The following LYRM4 variants were observed in gnomAD, a reference collection of about 807,000 sequenced individuals.
LYRM4 encodes LYR motif containing 4.
In LYRM4, 9 loss-of-function variants were observed where a neutral mutation model predicts 11.7. The observed-to-expected ratio is 0.77, with a 90% CI of 0.46 to 1.34. The LOEUF is 1.34. Among genes scored for constraint, LYRM4 ranks in the 40% most tolerant of loss-of-function variants. The pLI is 0.00. For missense variants in LYRM4, 133 were observed against 112.5 expected, an observed-to-expected ratio of 1.18 and a Z score of -0.82; for synonymous variants, 42 against 40.4, an observed-to-expected ratio of 1.04 and a Z score of -0.15.
intron 1 of LYRM4, among the ~76,000 whole-genome samples, chr6:5,256,064 CAA>C (rs1764649182): frequency 6.6e-6 from 1 of 151,654 alleles, no homozygotes. Context: ...TTAGCTGGCC[CAA>C]AAGGTTGGTC....
intron 2 of LYRM4, among the ~76,000 whole-genome samples, chr6:5,192,556 C>T (rs1486857395): frequency 6.6e-6 from 1 of 152,094 alleles, no homozygotes; most frequent in Non-Finnish European, 1.5e-5. Flanking sequence ...CCTTTGAGTC[C>T]CCCACTGTGC....
the LYRM4 span, among the ~76,000 whole-genome samples, chr6:5,037,597 C>G: frequency 1.4e-5 from 1 of 73,092 alleles, no homozygotes; most frequent in Admixed American, 1.8e-4. Context: ...CGGGCAGAGG[C>G]GCCCCTCACC....
At position 5,260,659 on chromosome 6, in the gene LYRM4, G is replaced by A. The variant is rs749300361; in HGVS notation, c.75C>T (p.Ala25=). 75 of 1,539,664 alleles carry A rather than the reference G, an allele frequency of 4.9e-5. No homozygotes were observed. In the South Asian group the frequency reaches 8.2e-4, roughly 17 times the overall value. ...GCCCGCTGGGTCACCTGTAATTGTAGGCGCTGAAACGCTTGCTCTCTCTCA... is the reference window on the plus strand; with the variant it reads ...GCCCGCTGGGTCACCTGTAATTGTAAGCGCTGAAACGCTTGCTCTCTCTCA... The part of the protein sequence containing the change: ...AMLRESKRFS[A]YNYRTYAVRR... Residue 25 remains alanine, a synonymous_variant, in exon 1 of 3, where the codon GCC becomes GCT. Coordinates refer to ENST00000330636, the MANE Select transcript of LYRM4 (RefSeq NM_020408.6).
chr6:5,118,453 T>A (rs1375316822), intron 2 of LYRM4, among the ~76,000 whole-genome samples: 1 of 152,116 alleles, frequency 6.6e-6, no homozygotes, highest in Non-Finnish European at 1.5e-5. Context: ...GCATATGGTC[T>A]CAGATGGCAC....
the LYRM4 span, among the ~76,000 whole-genome samples, chr6:5,093,603 C>CA: frequency 6.6e-6 from 1 of 152,216 alleles, no homozygotes; most frequent in Non-Finnish European, 1.5e-5. Flanking sequence ...TGCCACTTTA[C>CA]AAAAAAACTT....
At chr6:5,071,462 G>T in the LYRM4 span, among the ~76,000 whole-genome samples, 1 of 152,108 alleles carries the variant, frequency 6.6e-6, no homozygotes, top group Non-Finnish European at 1.5e-5. Context: ...CTCCGGTGGG[G>T]TGAGCAAGGT....
chr6:5,256,490 G>GAAAAAAAAAAAAAAAAAAAAAAAAAA (rs777995486), intron 1 of LYRM4, among the ~76,000 whole-genome samples: 1 of 37,520 alleles, frequency 2.7e-5, no homozygotes, highest in Non-Finnish European at 5.4e-5. Flanking sequence ...GATTTCAACT[G>GAAAAAAAAAAAAAAAAAAAAAAAAAA]GAAAAAAAAA....
intron 2 of LYRM4, among the ~76,000 whole-genome samples, chr6:5,138,950 A>T (rs1442413242): frequency 6.6e-6 from 1 of 152,220 alleles, no homozygotes. Context: ...GAGCAATCAG[A>T]GGACTTCAAA....
At chr6:5,193,423 GA>G (rs1248671260) in intron 2 of LYRM4, among the ~76,000 whole-genome samples, 1 of 152,138 alleles carries the variant, frequency 6.6e-6, no homozygotes, top group Non-Finnish European at 1.5e-5. Context: ...GGTTCTTTCT[GA>G]CTCTTCCCAA....
At chr6:5,217,146 C>T (rs1290358418) in intron 1 of LYRM4, among the ~76,000 whole-genome samples, 6 of 152,190 alleles carry the variant, frequency 3.9e-5, no homozygotes, top group African/African-American at 1.2e-4. Flanking sequence ...ATGCGAGACC[C>T]TGTCTTAAAA....
At chr6:5,129,844 A>AAGGG (rs1175418794) in intron 2 of LYRM4, among the ~76,000 whole-genome samples, 2 of 152,234 alleles carry the variant, frequency 1.3e-5, no homozygotes, top group African/African-American at 4.8e-5. Context: ...AGCCACACTG[A>AAGGG]AGGGAGGGAG....
At chr6:5,220,995 T>TA (rs886318076) in intron 1 of LYRM4, among the ~76,000 whole-genome samples, 3 of 152,128 alleles carry the variant, frequency 2.0e-5, no homozygotes, top group African/African-American at 7.2e-5. Context: ...CATGACCTGC[T>TA]AATTTTCATT....
At chr6:5,218,478 A>G in intron 1 of LYRM4, 1 of 621,290 alleles carries the variant, frequency 1.6e-6, no homozygotes, top group Middle Eastern at 8.2e-4. Context: ...AAAAATTCAA[A>G]TGTCAGGTCT....
chr6:5,108,539 A>AC lies in LYRM4; in HGVS notation c.*883dup. The stretch of plus-strand genomic sequence containing the variant: ...GAATAGAGAAAAATGACTGTGCCTC[A>AC]CCCCTCACTTACTGAGTCAGAATCT... On this transcript the variant is annotated 3_prime_UTR_variant, in exon 3 of 3. Coordinates refer to ENST00000330636, the MANE Select transcript of LYRM4 (RefSeq NM_020408.6). The AC allele has an allele frequency of 8.2e-6, 4 of 488,802 alleles. No homozygotes were observed. Among genetic ancestry groups the AC allele is most frequent in the Non-Finnish European group, 1.1e-5 (4 of 375,982 alleles). The allele number at this position is 488,802 out of a possible 1,614,324, so 30.3% of individuals were successfully genotyped here. A position where few individuals can be genotyped will look rare whatever the true frequency, so the allele number is the denominator to read the frequency against.
At chr6:5,127,880 A>C (rs1241454978) in intron 2 of LYRM4, among the ~76,000 whole-genome samples, 3 of 152,172 alleles carry the variant, frequency 2.0e-5, no homozygotes, top group Non-Finnish European at 4.4e-5. Context: ...ACATTGTTAC[A>C]TTACAATTTA....
At chr6:5,247,122 G>A (rs1764230838) in intron 1 of LYRM4, among the ~76,000 whole-genome samples, 1 of 152,180 alleles carries the variant, frequency 6.6e-6, no homozygotes, top group Non-Finnish European at 1.5e-5. Flanking sequence ...ATTCCAGAAG[G>A]GTGCCTGATC....
rs116711003 is a variant in LYRM4 at position 5,120,555 on chromosome 6, C to T, written c.208-11064G>A. Among the ~76,000 whole-genome samples the T allele has an allele frequency of 3.0e-3, 457 of 152,294 alleles. 2 individuals are homozygous for T. The highest frequency in any genetic ancestry group is 0.01 in the South Asian group (50 of 4,822). ...AAAGTCTCCACAGCGTGGAAGGGGACGCCAGTGGGTTGCTGCTGCTGGCTG... is the reference window on the plus strand; with the variant it reads ...AAAGTCTCCACAGCGTGGAAGGGGATGCCAGTGGGTTGCTGCTGCTGGCTG... On this transcript the variant is annotated intron_variant, in intron 2 of 2. Coordinates refer to ENST00000330636, the MANE Select transcript of LYRM4 (RefSeq NM_020408.6).
At chr6:5,154,681 T>C (rs1049141012) in intron 2 of LYRM4, among the ~76,000 whole-genome samples, 8 of 152,072 alleles carry the variant, frequency 5.3e-5, no homozygotes, top group Non-Finnish European at 1.2e-4. Flanking sequence ...TAGCCGGGCG[T>C]GGTGTCACGC....
chr6:5,066,612 T>C, the LYRM4 span: 315 of 1,193,140 alleles, frequency 2.6e-4, 1 homozygote, highest in African/African-American at 4.3e-3. Flanking sequence ...TTTGTCACTT[T>C]CAAGGGCAAC....
Sources: gnomAD v4.1 joint callset for allele counts (sites outside exome capture counted in the v4.1 genomes callset) on GRCh38, gnomAD v4.1.1 for gene constraint, MANE v1.5 for transcripts, NCBI Gene and HGNC (gene_info 2026-07-23, HGNC 2026-07-21) for gene names.